The following NTRK3 variants were observed in gnomAD, a reference collection of about 807,000 sequenced individuals.
The protein encoded by NTRK3 is neurotrophic receptor tyrosine kinase 3.
Under a neutral mutation model 91.7 loss-of-function variants are expected in NTRK3, and 24 were observed. The ratio of observed to expected loss-of-function variants is 0.26; its 90% CI spans 0.19 to 0.37. NTRK3 has a LOEUF of 0.37. NTRK3 is among the 10% of genes least tolerant of loss of function. The pLI is 1.00. For synonymous variants in NTRK3, 483 were observed against 404.0 expected, an observed-to-expected ratio of 1.20 and a Z score of -2.34; for missense variants, 880 against 1,068.9, an observed-to-expected ratio of 0.82 and a Z score of 2.46.
chr15:88,180,018 C>T, intron 5 of NTRK3, among the ~76,000 whole-genome samples: 1 of 152,164 alleles, frequency 6.6e-6, no homozygotes, highest in Admixed American at 6.5e-5. Flanking sequence ...CTAACCCCTT[C>T]TCTTTGATTC....
chr15:88,119,948 C>T (rs934088757), intron 13 of NTRK3, among the ~76,000 whole-genome samples: 1 of 152,194 alleles, frequency 6.6e-6, no homozygotes, highest in African/African-American at 2.4e-5. Context: ...CTTCCAGTAC[C>T]AATTCCCCTG....
chr15:87,924,578 G>A (rs2068134158), intron 17 of NTRK3, among the ~76,000 whole-genome samples: 2 of 152,160 alleles, frequency 1.3e-5, no homozygotes, highest in Admixed American at 1.3e-4. Context: ...TCACTCGTTT[G>A]CCTCTTCTGA....
Position 88,191,163 on chromosome 15 carries a change from C to CGTGTGTGT in NTRK3, c.249-6872_249-6865dup, listed in dbSNP as rs60048541. Among the ~76,000 whole-genome samples, 1,023 of 137,946 alleles carry CGTGTGTGT rather than the reference C, an allele frequency of 7.4e-3. 8 individuals carry two copies. Among genetic ancestry groups the CGTGTGTGT allele is most frequent in the African/African-American group, 0.011 (394 of 37,190 alleles). The allele number at this position is 137,946 out of a possible 152,430, so 90.5% of individuals were successfully genotyped here. On this transcript the variant is annotated intron_variant, in intron 3 of 18. Transcript: ENST00000394480. ...GGAGGCAGCTGAAGCTGATGTTTCC[C>CGTGTGTGT]GTGTGTGTGTGTGTGTGTGTGTGTG...
intron 3 of NTRK3, among the ~76,000 whole-genome samples, chr15:88,200,977 C>A (rs2048256179): frequency 6.6e-6 from 1 of 152,214 alleles, no homozygotes; most frequent in African/African-American, 2.4e-5. Flanking sequence ...CTTTTCCTGG[C>A]AGAGGGACTC....
chr15:88,087,328 G>A lies in NTRK3; in HGVS notation c.1396+38943C>T, dbSNP rs144373390. ...TCTCCCTGCCCTGTCTTCTGCAAGC[G>A]GCCCTGGGGGAGTGTCCGGCAGGTC... On this transcript the variant is annotated intron_variant, in intron 13 of 18. Coordinates refer to ENST00000394480, the Ensembl canonical transcript of NTRK3. Among the ~76,000 whole-genome samples the A allele has an allele frequency of 3.7e-4, 56 of 152,252 alleles. No individual in the cohort carries two copies. The Middle Eastern group carries it at 0.01, about 28-fold the overall frequency.
chr15:88,108,591 A>C (rs571814141), intron 13 of NTRK3, among the ~76,000 whole-genome samples: 1 of 152,356 alleles, frequency 6.6e-6, no homozygotes, highest in African/African-American at 2.4e-5. Context: ...AAATCCCTCC[A>C]ATTATAGAGG....
At chr15:88,008,533 C>T (rs771625424) in intron 14 of NTRK3, among the ~76,000 whole-genome samples, 4 of 152,142 alleles carry the variant, frequency 2.6e-5, no homozygotes, top group South Asian at 2.1e-4. Flanking sequence ...TAAAAGCTCC[C>T]GGTTGATTCC....
At chr15:88,159,415 G>C (rs2044226406) in intron 5 of NTRK3, among the ~76,000 whole-genome samples, 1 of 152,116 alleles carries the variant, frequency 6.6e-6, no homozygotes, top group Non-Finnish European at 1.5e-5. Flanking sequence ...CTGGAGGCTT[G>C]GAAAAACCAA....
chr15:87,876,947 G>A (rs1421618241), exon 19 of NTRK3: 42 of 1,613,788 alleles, frequency 2.6e-5, no homozygotes, highest in East Asian at 4.5e-5. Flanking sequence ...AGCCAAGAAT[G>A]TCCAGGTAGA....
exon 19 of NTRK3, chr15:87,876,065 G>A (rs1292784841): frequency 4.3e-6 from 1 of 232,464 alleles, no homozygotes; most frequent in South Asian, 1.8e-4. Context: ...GTCTTGGCAG[G>A]GTTCAGGTTT....
At chr15:88,122,017 A>G (rs1370593007) in intron 13 of NTRK3, among the ~76,000 whole-genome samples, 1 of 152,182 alleles carries the variant, frequency 6.6e-6, no homozygotes, top group African/African-American at 2.4e-5. Flanking sequence ...TAATATATTC[A>G]TCTCCCATAA....
At chr15:87,885,481 A>T (rs1400163429) in intron 17 of NTRK3, among the ~76,000 whole-genome samples, 2 of 151,916 alleles carry the variant, frequency 1.3e-5, no homozygotes, top group African/African-American at 4.8e-5. Flanking sequence ...CGGGAGAGTT[A>T]CTCTATCAGA....
At position 88,205,670 on chromosome 15, in the gene NTRK3, G is replaced by A. The variant is rs549631781; in HGVS notation, c.249-21371C>T. On this transcript the variant is annotated intron_variant, in intron 3 of 18. Coordinates refer to ENST00000394480, the Ensembl canonical transcript of NTRK3. ...AAGCCCCCAAAACGGTGACTCCAGG[G>A]TCAGCCCTCTCACCCCGGTTTGGCC... 6 of 152,314 alleles carry A rather than the reference G, an allele frequency of 3.9e-5. No homozygotes were observed. In the East Asian group the frequency reaches 9.7e-4, roughly 25 times the overall value. 9.4% of individuals were successfully genotyped at this position (152,314 alleles called of 1,614,324 possible). A position where few individuals can be genotyped will look rare whatever the true frequency, so the allele number is the denominator to read the frequency against.
chr15:88,036,170 C>A (rs12440144), intron 13 of NTRK3, among the ~76,000 whole-genome samples: 32,812 of 151,974 alleles, frequency 0.22, 4,002 homozygotes, highest in Middle Eastern at 0.34. Flanking sequence ...AAGTGCACAA[C>A]TATGAATGTA....
At chr15:88,155,901 G>A (rs1363912342) in intron 5 of NTRK3, among the ~76,000 whole-genome samples, 1 of 151,914 alleles carries the variant, frequency 6.6e-6, no homozygotes, top group Non-Finnish European at 1.5e-5. Context: ...ATCCATATGT[G>A]CTTCACTCTC....
chr15:88,109,010 A>G (rs1023295513), intron 13 of NTRK3, among the ~76,000 whole-genome samples: 3 of 152,136 alleles, frequency 2.0e-5, no homozygotes, highest in African/African-American at 4.8e-5. Flanking sequence ...CTATTTTCCA[A>G]CCCAACAGAG....
chr15:87,946,874 CTTTTTTTTTTT>C (rs560114979), intron 14 of NTRK3, among the ~76,000 whole-genome samples: 2 of 85,440 alleles, frequency 2.3e-5, no homozygotes, highest in Non-Finnish European at 4.4e-5. Context: ...TTCGTGGGTT[CTTTTTTTTTTT>C]TTTTTTTTTT....
chr15:87,951,603 C>T (rs559965172), intron 14 of NTRK3, among the ~76,000 whole-genome samples: 2 of 152,288 alleles, frequency 1.3e-5, no homozygotes, highest in South Asian at 4.1e-4. Flanking sequence ...TTAGTTAATG[C>T]ACAAAGGACC....
At chr15:88,100,471 A>G (rs954716328) in intron 13 of NTRK3, among the ~76,000 whole-genome samples, 2 of 152,224 alleles carry the variant, frequency 1.3e-5, no homozygotes, top group Admixed American at 6.5e-5. Context: ...GATGGCGGAA[A>G]CAGAGTTTAC....
Sources: gnomAD v4.1 joint callset for allele counts (sites outside exome capture counted in the v4.1 genomes callset) on GRCh38, gnomAD v4.1.1 for gene constraint, MANE v1.5 for transcripts, NCBI Gene and HGNC (gene_info 2026-07-23, HGNC 2026-07-21) for gene names.